The following WWOX variants were observed in gnomAD, a reference collection of about 807,000 sequenced individuals.
The protein encoded by WWOX is WW domain containing oxidoreductase.
WWOX carries 69 observed loss-of-function variants against 46.2 expected under a neutral mutation model. The observed-to-expected ratio is 1.49, with a 90% CI of 1.23 to 1.82. The LOEUF is 1.82. Ranked by LOEUF, WWOX falls within the 40% of genes most tolerant of loss-of-function variation. WWOX has a pLI of 0.00. For missense variants in WWOX, 919 were observed against 542.6 expected, an observed-to-expected ratio of 1.69 and a Z score of -6.89; for synonymous variants, 359 against 202.6, an observed-to-expected ratio of 1.77 and a Z score of -6.56.
intron 8 of WWOX, among the ~76,000 whole-genome samples, chr16:78,452,646 T>C (rs188605341): frequency 2.9e-4 from 44 of 151,810 alleles, no homozygotes; most frequent in African/African-American, 9.4e-4. Flanking sequence ...TGGCTAATTA[T>C]TATGTTTTTA....
At chr16:79,196,489 ATG>A (rs2051242726) in intron 8 of WWOX, 1 of 152,108 alleles carries the variant, frequency 6.6e-6, no homozygotes, top group South Asian at 2.1e-4. Flanking sequence ...TAGGTTTGTG[ATG>A]TTGGGCAAAA....
intron 8 of WWOX, among the ~76,000 whole-genome samples, chr16:78,521,933 G>C (rs2043356510): frequency 1.3e-5 from 2 of 152,108 alleles, no homozygotes; most frequent in Non-Finnish European, 1.5e-5. Flanking sequence ...TTGGGTACTG[G>C]AGATGGGGAC....
chr16:78,402,908 C>G (rs963039829), intron 6 of WWOX, among the ~76,000 whole-genome samples: 1 of 152,194 alleles, frequency 6.6e-6, no homozygotes, highest in Non-Finnish European at 1.5e-5. Context: ...TCCTCAACTC[C>G]AGAGCCAAGT....
chr16:79,060,015 C>A (rs968397787), intron 8 of WWOX, among the ~76,000 whole-genome samples: 3 of 152,060 alleles, frequency 2.0e-5, no homozygotes, highest in Non-Finnish European at 4.4e-5. Context: ...ATTTTATTTA[C>A]ATTTTGTACA....
intron 8 of WWOX, among the ~76,000 whole-genome samples, chr16:79,211,351 T>C (rs984800783): frequency 6.6e-6 from 1 of 152,200 alleles, no homozygotes; most frequent in Non-Finnish European, 1.5e-5. Context: ...GTATTTATTT[T>C]CCAAGCCTGT....
At chr16:78,550,906 C>T (rs909273268) in intron 8 of WWOX, 1 of 152,026 alleles carries the variant, frequency 6.6e-6, no homozygotes, top group Admixed American at 6.5e-5. Flanking sequence ...TATCACTTGG[C>T]TGGGGACTCA....
At chr16:78,709,411 C>T (rs1400823544) in intron 8 of WWOX, among the ~76,000 whole-genome samples, 10 of 152,082 alleles carry the variant, frequency 6.6e-5, no homozygotes, top group Non-Finnish European at 1.3e-4. Flanking sequence ...GGGTAGCGGG[C>T]CCAGCCTGTT....
At chr16:78,737,947 T>G (rs2049128749) in intron 8 of WWOX, among the ~76,000 whole-genome samples, 1 of 152,142 alleles carries the variant, frequency 6.6e-6, no homozygotes, top group South Asian at 2.1e-4. Flanking sequence ...TAATCAATTT[T>G]CCCCATCCCA....
intron 8 of WWOX, among the ~76,000 whole-genome samples, chr16:78,546,199 T>G (rs1010573134): frequency 1.3e-5 from 2 of 152,150 alleles, no homozygotes; most frequent in African/African-American, 2.4e-5. Flanking sequence ...TAATACAGCT[T>G]AGAACAGATG....
intron 8 of WWOX, among the ~76,000 whole-genome samples, chr16:78,949,288 C>T (rs1016411332): frequency 6.6e-6 from 1 of 152,170 alleles, no homozygotes; most frequent in Admixed American, 6.5e-5. Flanking sequence ...CCCACAGCAA[C>T]TGTGCCGTCG....
intron 8 of WWOX, among the ~76,000 whole-genome samples, chr16:79,161,642 C>A: frequency 6.6e-6 from 1 of 152,174 alleles, no homozygotes; most frequent in East Asian, 1.9e-4. Context: ...CCTGCCTCAG[C>A]TTCCCGAGTA....
chr16:79,208,631 AT>A (rs57795116), intron 8 of WWOX, among the ~76,000 whole-genome samples: 41 of 151,188 alleles, frequency 2.7e-4, no homozygotes, highest in East Asian at 5.9e-4. Context: ...TGCTCTTTAA[AT>A]TTTTTTTTTA....
intron 8 of WWOX, among the ~76,000 whole-genome samples, chr16:78,948,465 CG>C (rs2045992048): frequency 6.6e-6 from 1 of 152,146 alleles, no homozygotes; most frequent in Non-Finnish European, 1.5e-5. Flanking sequence ...CTGTCTCTTG[CG>C]GCATTTCTGC....
chr16:78,927,665 G>T (rs1156969605), intron 8 of WWOX, among the ~76,000 whole-genome samples: 2 of 152,156 alleles, frequency 1.3e-5, no homozygotes, highest in South Asian at 4.1e-4. Context: ...AGGTAATTAA[G>T]GCATAATTAT....
chr16:78,667,452 C>T (rs1022207791), intron 8 of WWOX, among the ~76,000 whole-genome samples: 26 of 151,674 alleles, frequency 1.7e-4, no homozygotes, highest in Admixed American at 1.2e-3. Flanking sequence ...GGGTGGATCA[C>T]AAGGTCAGGA....
chr16:78,169,573 C>T (rs552155181), intron 5 of WWOX, among the ~76,000 whole-genome samples: 6 of 151,832 alleles, frequency 4.0e-5, no homozygotes, highest in African/African-American at 1.4e-4. Flanking sequence ...CAGTGTAGAG[C>T]TCTTGAAAGA....
intron 5 of WWOX, among the ~76,000 whole-genome samples, chr16:78,356,703 A>T (rs2081300779): frequency 6.6e-6 from 1 of 152,198 alleles, no homozygotes; most frequent in Admixed American, 6.5e-5. Context: ...CAGCATGGTG[A>T]AACCCCGTCT....
intron 5 of WWOX, among the ~76,000 whole-genome samples, chr16:78,281,542 A>G (rs1249169722): frequency 6.6e-6 from 1 of 152,220 alleles, no homozygotes; most frequent in African/African-American, 2.4e-5. Flanking sequence ...GTGATGGGAT[A>G]TTTAATAAAT....
At chr16:78,315,929 C>T (rs1034328076) in intron 5 of WWOX, among the ~76,000 whole-genome samples, 9 of 151,938 alleles carry the variant, frequency 5.9e-5, no homozygotes, top group African/African-American at 1.7e-4. Context: ...TCAGGTTTCT[C>T]GTTTTCTTTT....
Sources: allele counts gnomAD v4.1 joint callset (sites outside exome capture counted in the v4.1 genomes callset), GRCh38; gene constraint gnomAD v4.1.1; transcripts MANE v1.5; gene names NCBI Gene and HGNC (gene_info 2026-07-23, HGNC 2026-07-21).